PON1: variants seen among roughly 807,000 people sequenced by gnomAD.
PON1 encodes paraoxonase 1, also known as serum paraoxonase/arylesterase 1.
A neutral mutation model predicts 39.2 loss-of-function variants in PON1; 37 were observed. The observed-to-expected ratio is 0.94, with a 90% CI of 0.73 to 1.24. The LOEUF (loss-of-function observed/expected upper bound fraction) is 1.24. Ranked by LOEUF, PON1 falls within the 50% of genes most tolerant of loss-of-function variation. The pLI is 0.00. For missense variants in PON1, 397 were observed against 413.5 expected, an observed-to-expected ratio of 0.96 and a Z score of 0.35; for synonymous variants, 148 against 152.2, an observed-to-expected ratio of 0.97 and a Z score of 0.21.
intron 1 of PON1, among the ~76,000 whole-genome samples, chr7:95,320,079 G>A (rs1296159306): frequency 1.3e-5 from 2 of 152,186 alleles, no homozygotes; most frequent in African/African-American, 2.4e-5. Context: ...TAAGGGTGAT[G>A]GTCATAACCG....
chr7:95,298,861 G>A lies in PON1; in HGVS notation c.*83C>T. On this transcript the variant is annotated 3_prime_UTR_variant, in exon 9 of 9. Coordinates refer to ENST00000222381, the MANE Select transcript of PON1 (RefSeq NM_000446.7). Reference sequence around the variant, plus strand: ...ATTTAGGGTCAGCATTCATTGTTCAGCTAAGAACACTGGGTCCTCGGAATA... The same window carrying A: ...ATTTAGGGTCAGCATTCATTGTTCAACTAAGAACACTGGGTCCTCGGAATA... 1 of 1,530,068 alleles carries A rather than the reference G, an allele frequency of 6.5e-7. No homozygotes were observed. The highest frequency in any genetic ancestry group is 9.1e-7 in the Non-Finnish European group (1 of 1,104,958). The allele number at this position is 1,530,068 out of a possible 1,614,324, so 94.8% of individuals were successfully genotyped here.
chr7:95,319,483 T>C (rs1171567781), intron 1 of PON1, among the ~76,000 whole-genome samples: 1 of 152,150 alleles, frequency 6.6e-6, no homozygotes, highest in Admixed American at 6.6e-5. Context: ...TAATCTGCTT[T>C]GTAAAAGTGC....
At chr7:95,311,084 G>C (rs1212921841) in intron 5 of PON1, among the ~76,000 whole-genome samples, 1 of 152,198 alleles carries the variant, frequency 6.6e-6, no homozygotes, top group Non-Finnish European at 1.5e-5. Context: ...AAACATCTAA[G>C]AGTCTACTTT....
At chr7:95,322,287 ACT>A (rs990793051) in intron 1 of PON1, among the ~76,000 whole-genome samples, 3 of 123,274 alleles carry the variant, frequency 2.4e-5, no homozygotes, top group African/African-American at 7.9e-5. Flanking sequence ...ATATATATAT[ACT>A]TAGTTTTATT....
At chr7:95,315,236 G>A (rs1807738002) in intron 4 of PON1, 86 bp downstream of exon 4, 31 of 1,224,090 alleles carry the variant, frequency 2.5e-5, no homozygotes, top group Middle Eastern at 2.6e-4. Flanking sequence ...TTGTTTGAAT[G>A]AGAAAAAATA....
In PON1 at chr7:95,302,290, G is replaced by A; in HGVS notation, c.824C>T (p.Pro275Leu). ...NTLVDNISVD[P>L]ETGDLWVGCH... is the part of the protein sequence containing the mutation. ...TCCAACCCAAAGGTCTCCTGTCTCA[G>A]GATCCACAGATATGTTATCCACGAG... The change falls in exon 8 of 9, where the codon CCT becomes CTT. Residue 275 changes from proline (P) to leucine (L), a missense_variant. Coordinates refer to ENST00000222381, the MANE Select transcript of PON1 (RefSeq NM_000446.7). The A allele has an allele frequency of 6.2e-7, 1 of 1,608,296 alleles. No individual in the cohort carries two copies. Among genetic ancestry groups the A allele is most frequent in the Non-Finnish European group, 8.5e-7 (1 of 1,174,964 alleles).
At chr7:95,302,644 A>T (rs1027756605) in intron 7 of PON1, among the ~76,000 whole-genome samples, 2 of 151,366 alleles carry the variant, frequency 1.3e-5, no homozygotes, top group Non-Finnish European at 2.9e-5. Context: ...AAAAAAAAAG[A>T]AGTTTTCGGT....
chr7:95,322,100 T>G (rs1428058762), intron 1 of PON1, among the ~76,000 whole-genome samples: 2 of 152,104 alleles, frequency 1.3e-5, no homozygotes, highest in African/African-American at 4.8e-5. Context: ...AAGATGGTGT[T>G]GGTTGCATTC....
chr7:95,313,766 C>T (rs1288824424), intron 4 of PON1, among the ~76,000 whole-genome samples: 1 of 151,914 alleles, frequency 6.6e-6, no homozygotes, highest in Admixed American at 6.6e-5. Flanking sequence ...CCAGTAAGCA[C>T]CTGCGGCATT....
chr7:95,305,871 G>A (rs1034757010), intron 7 of PON1, among the ~76,000 whole-genome samples: 4 of 139,776 alleles, frequency 2.9e-5, no homozygotes, highest in African/African-American at 1.2e-4. Context: ...GTGGAGAGCA[G>A]CCCTGCATAA....
chr7:95,311,374 G>C, intron 5 of PON1, 77 bp downstream of exon 5: 1 of 1,561,442 alleles, frequency 6.4e-7, no homozygotes, highest in Non-Finnish European at 8.8e-7. Flanking sequence ...ACCTACTCTG[G>C]CCAAAAGGAA....
chr7:95,313,860 T>C (rs1807708879), intron 4 of PON1, among the ~76,000 whole-genome samples: 1 of 152,156 alleles, frequency 6.6e-6, no homozygotes. Flanking sequence ...AGTGTGACAC[T>C]GGTTTGAAAG....
rs1469500257 is a variant in PON1 at position 95,302,283 on chromosome 7, T to TGTC, written c.828_830dup (p.Thr277dup). 5 of 1,608,380 alleles carry TGTC rather than the reference T, an allele frequency of 3.1e-6. No individual in the cohort carries two copies. Among genetic ancestry groups the TGTC allele is most frequent in the Non-Finnish European group, 4.3e-6 (5 of 1,174,968 alleles). Reference sequence around the variant, plus strand: ...GATGGCATCCAACCCAAAGGTCTCCTGTCTCAGGATCCACAGATATGTTAT... The same window carrying TGTC: ...GATGGCATCCAACCCAAAGGTCTCCTGTCGTCTCAGGATCCACAGATATGTTAT... On this transcript the variant is annotated inframe_insertion, in exon 8 of 9. Transcript: ENST00000222381.
At chr7:95,309,705 G>T (rs1807615187) in intron 5 of PON1, among the ~76,000 whole-genome samples, 1 of 152,044 alleles carries the variant, frequency 6.6e-6, no homozygotes, top group African/African-American at 2.4e-5. Flanking sequence ...ACCTTGAAAG[G>T]CTAGAGTAAG....
At chr7:95,305,811 C>T (rs1285660889) in intron 7 of PON1, among the ~76,000 whole-genome samples, 2 of 152,078 alleles carry the variant, frequency 1.3e-5, no homozygotes, top group Admixed American at 6.6e-5. Context: ...AGGTGAGGGG[C>T]AGCCAGGTCA....
chr7:95,312,730 C>T (rs1167907217), intron 4 of PON1, among the ~76,000 whole-genome samples: 1 of 151,452 alleles, frequency 6.6e-6, no homozygotes, highest in Non-Finnish European at 1.5e-5. Context: ...TGGACATATT[C>T]ACTTAATAGT....
rs3917492 is a variant in PON1, at chr7:95,318,802, C to G, written c.75-409G>C. Among the ~76,000 whole-genome samples the G allele has an allele frequency of 5.4e-3, 829 of 152,234 alleles. 8 individuals are homozygous for G. The highest frequency in any genetic ancestry group is 0.019 in the African/African-American group (795 of 41,540). On this transcript the variant is annotated intron_variant, in intron 1 of 8. Coordinates refer to ENST00000222381, the MANE Select transcript of PON1 (RefSeq NM_000446.7). ...CCTACTCATCTGCCCAATCTGACTC[C>G]GCAGCCTGGACTGGGCATCTGCTTT...
chr7:95,324,212 T>G (rs542214915), intron 1 of PON1, among the ~76,000 whole-genome samples, 190 bp downstream of exon 1: 1 of 152,184 alleles, frequency 6.6e-6, no homozygotes, highest in Non-Finnish European at 1.5e-5. Context: ...TCTCAGGCCA[T>G]GAGCAAGAGT....
At chr7:95,300,498 C>T (rs949495906) in intron 8 of PON1, among the ~76,000 whole-genome samples, 1 of 152,120 alleles carries the variant, frequency 6.6e-6, no homozygotes, top group African/African-American at 2.4e-5. Context: ...CAGCTGGCAC[C>T]AAAGACAGAT....
Sources: allele counts gnomAD v4.1 joint callset (sites outside exome capture counted in the v4.1 genomes callset), GRCh38; gene constraint gnomAD v4.1.1; transcripts MANE v1.5; gene names NCBI Gene and HGNC (gene_info 2026-07-23, HGNC 2026-07-21).